NMNAT2: variants seen among roughly 807,000 people sequenced by gnomAD.
NMNAT2 encodes the protein nicotinamide/nicotinic acid mononucleotide adenylyltransferase 2.
A neutral mutation model predicts 41.6 loss-of-function variants in NMNAT2; 11 were observed. The observed-to-expected ratio is 0.26, with a 90% CI of 0.17 to 0.44. The LOEUF (loss-of-function observed/expected upper bound fraction) is 0.44, where lower values mean the gene tolerates loss of function less well. Among genes scored for constraint, NMNAT2 ranks in the 20% least tolerant of loss-of-function variants. The pLI is 1.00. For synonymous variants in NMNAT2, 148 were observed against 151.2 expected (o/e 0.98, Z 0.16); for missense variants, 288 against 407.7 (o/e 0.71, Z 2.53).
chr1:183,403,154 G>A (rs1408619695), intron 1 of NMNAT2, among the ~76,000 whole-genome samples: 6 of 151,806 alleles, frequency 4.0e-5, no homozygotes, highest in African/African-American at 7.3e-5. Flanking sequence ...GGCTGGTCTC[G>A]TACTCCTGAC....
chr1:183,305,988 C>T (rs1661984650), intron 1 of NMNAT2, among the ~76,000 whole-genome samples: 1 of 152,184 alleles, frequency 6.6e-6, no homozygotes, highest in African/African-American at 2.4e-5. Flanking sequence ...TCCCAAAGTG[C>T]TGGGATTATA....
chr1:183,295,378 T>C (rs1327115354), intron 1 of NMNAT2, among the ~76,000 whole-genome samples: 1 of 152,164 alleles, frequency 6.6e-6, no homozygotes, highest in Non-Finnish European at 1.5e-5. Flanking sequence ...CGTTTTAGAT[T>C]TACAGAATAA....
chr1:183,408,638 G>A (rs558425744), intron 1 of NMNAT2, among the ~76,000 whole-genome samples: 60 of 152,176 alleles, frequency 3.9e-4, no homozygotes, highest in Non-Finnish European at 7.9e-4. Context: ...CAGAAAAAAT[G>A]GAGTGATAGG....
At chr1:183,386,567 C>G (rs7552360) in intron 1 of NMNAT2, among the ~76,000 whole-genome samples, 37,733 of 151,896 alleles carry the variant, frequency 0.25, 4,690 homozygotes, top group South Asian at 0.29. Context: ...AGCAAGGGCT[C>G]GTCATTTTAT....
intron 1 of NMNAT2, among the ~76,000 whole-genome samples, chr1:183,392,907 T>G (rs940884900): frequency 6.6e-5 from 10 of 152,260 alleles, no homozygotes; most frequent in Non-Finnish European, 5.9e-5. Context: ...TTTTAATTCC[T>G]GATACTTGTA....
At chr1:183,272,590 C>G (rs1312765864) in intron 8 of NMNAT2, among the ~76,000 whole-genome samples, 1 of 152,146 alleles carries the variant, frequency 6.6e-6, no homozygotes, top group South Asian at 2.1e-4. Context: ...ATGGGGTCAT[C>G]CCATTAGTCA....
chr1:183,344,291 G>A (rs995309509), intron 1 of NMNAT2, among the ~76,000 whole-genome samples: 5 of 152,172 alleles, frequency 3.3e-5, no homozygotes, highest in Admixed American at 2.6e-4. Flanking sequence ...GGTTCGCAGG[G>A]GTGAAGTAGC....
chr1:183,346,999 C>T (rs1354439801), intron 1 of NMNAT2, among the ~76,000 whole-genome samples: 2 of 152,170 alleles, frequency 1.3e-5, no homozygotes, highest in African/African-American at 2.4e-5. Flanking sequence ...CTCCATGAAG[C>T]CTTCCTTGAC....
At chr1:183,269,337 C>T (rs1660921616) in intron 8 of NMNAT2, among the ~76,000 whole-genome samples, 1 of 152,178 alleles carries the variant, frequency 6.6e-6, no homozygotes, top group African/African-American at 2.4e-5. Flanking sequence ...GGTTTCATTC[C>T]AATTGCAAAG....
chr1:183,415,156 A>C (rs1649220048), intron 1 of NMNAT2, among the ~76,000 whole-genome samples: 1 of 151,986 alleles, frequency 6.6e-6, no homozygotes, highest in African/African-American at 2.4e-5. Flanking sequence ...TAATTTTTAT[A>C]TTTTTTGTAG....
At chr1:183,278,054 T>C (rs1201255351) in intron 8 of NMNAT2, among the ~76,000 whole-genome samples, 2 of 152,156 alleles carry the variant, frequency 1.3e-5, no homozygotes, top group African/African-American at 4.8e-5. Flanking sequence ...TCCTAAGTGG[T>C]GTAAGTTTAA....
intron 1 of NMNAT2, among the ~76,000 whole-genome samples, chr1:183,345,796 C>T (rs1371211093): frequency 1.3e-5 from 2 of 151,978 alleles, no homozygotes; most frequent in Admixed American, 6.6e-5. Flanking sequence ...ACGCCATTCT[C>T]CTGCCTCAGC....
At chr1:183,370,217 A>G (rs1663501734) in intron 1 of NMNAT2, among the ~76,000 whole-genome samples, 1 of 89,412 alleles carries the variant, frequency 1.1e-5, no homozygotes. Flanking sequence ...CACTACTATC[A>G]ACACATACAC....
chr1:183,296,001 A>G (rs1661683618), intron 1 of NMNAT2, among the ~76,000 whole-genome samples: 1 of 151,206 alleles, frequency 6.6e-6, no homozygotes, highest in South Asian at 2.1e-4. Flanking sequence ...GGCGCCTACC[A>G]CCATGCCCAG....
intron 1 of NMNAT2, among the ~76,000 whole-genome samples, chr1:183,338,682 G>C (rs193091640): frequency 2.6e-5 from 4 of 152,282 alleles, no homozygotes; most frequent in Non-Finnish European, 5.9e-5. Flanking sequence ...CACTCTATCA[G>C]TTTGAAAAAC....
intron 6 of NMNAT2, 31 bp from the exon 7 acceptor site, chr1:183,284,070 A>C (rs769752424): frequency 2.3e-5 from 36 of 1,532,376 alleles, no homozygotes; most frequent in Non-Finnish European, 3.1e-5. Flanking sequence ...GTAGGGCATT[A>C]GGGAACAGGC....
intron 1 of NMNAT2, among the ~76,000 whole-genome samples, chr1:183,404,666 C>T (rs1333304163): frequency 1.3e-5 from 2 of 152,080 alleles, no homozygotes; most frequent in East Asian, 3.9e-4. Flanking sequence ...CTTGGAGGCC[C>T]CTCATGATGT....
At chr1:183,277,572 G>T (rs1370893216) in intron 8 of NMNAT2, among the ~76,000 whole-genome samples, 1 of 147,916 alleles carries the variant, frequency 6.8e-6, no homozygotes, top group East Asian at 2.0e-4. Flanking sequence ...TGTTGGAGTA[G>T]AACTTGAATC....
intron 1 of NMNAT2, among the ~76,000 whole-genome samples, chr1:183,296,288 G>A (rs980957202): frequency 5.3e-5 from 8 of 152,280 alleles, no homozygotes; most frequent in Non-Finnish European, 1.0e-4. Flanking sequence ...ACATTCATGT[G>A]CAGGTTTTTG....
Sources: gnomAD v4.1 joint callset for allele counts (sites outside exome capture counted in the v4.1 genomes callset) on GRCh38, gnomAD v4.1.1 for gene constraint, MANE v1.5 for transcripts, NCBI Gene and HGNC (gene_info 2026-07-23, HGNC 2026-07-21) for gene names.